The following PHEX variants were observed in gnomAD, a reference collection of about 807,000 sequenced individuals.
PHEX encodes the protein phosphate regulating endopeptidase X-linked.
PHEX carries 16 observed loss-of-function variants against 68.0 expected under a neutral mutation model. The observed-to-expected ratio is 0.24, with a 90% confidence interval of 0.16 to 0.36. PHEX has a LOEUF of 0.36. Among genes scored for constraint, PHEX ranks in the 10% least tolerant of loss-of-function variants. The probability of loss-of-function intolerance (pLI) is 1.00; values close to 1 mark genes in which losing one functional copy is unlikely to be tolerated. For synonymous variants in PHEX, 208 were observed against 205.1 expected (o/e 1.01, Z -0.12); for missense variants, 480 against 575.5 (o/e 0.83, Z 1.70).
chrX:22,075,780 A>G (rs1417357008), intron 3 of PHEX, among the ~76,000 whole-genome samples: 1 of 111,953 alleles, frequency 8.9e-6, no homozygotes, highest in Non-Finnish European at 1.9e-5. Context: ...ACTCTCTTAG[A>G]TGTTTAGGAC....
At chrX:22,184,479 T>G (rs1247140451) in intron 14 of PHEX, among the ~76,000 whole-genome samples, 1 of 111,818 alleles carries the variant, frequency 8.9e-6, no homozygotes, top group Non-Finnish European at 1.9e-5. Context: ...GTGTAGGAGA[T>G]AAAGACCCTT....
intron 12 of PHEX, among the ~76,000 whole-genome samples, chrX:22,136,737 A>C (rs1050158646): frequency 9.0e-6 from 1 of 111,677 alleles, no homozygotes; most frequent in Admixed American, 9.5e-5. Context: ...TCAAAATGGA[A>C]GTGTGTGGAT....
intron 3 of PHEX, among the ~76,000 whole-genome samples, chrX:22,050,946 T>G (rs978752010): frequency 1.8e-5 from 2 of 112,309 alleles, no homozygotes; most frequent in Non-Finnish European, 3.7e-5. Context: ...TTTCACACAT[T>G]TGTCTCTATA....
chrX:22,140,438 G>A (rs983436889), intron 12 of PHEX, among the ~76,000 whole-genome samples: 1 of 111,164 alleles, frequency 9.0e-6, no homozygotes, highest in African/African-American at 3.3e-5. Context: ...CCCTTCCAAC[G>A]TTTGAAGATG....
At chrX:22,068,579 TACTA>T (rs1302261916) in intron 3 of PHEX, among the ~76,000 whole-genome samples, 1 of 112,091 alleles carries the variant, frequency 8.9e-6, no homozygotes, top group Non-Finnish European at 1.9e-5. Context: ...CTCTAACCTT[TACTA>T]ACTGAGTCTC....
rs1930156437 is a variant in PHEX, at chrX:22,096,820, C to T, written c.850-135C>T. 2 of 506,139 alleles carry T rather than the reference C, an allele frequency of 4.0e-6. 1 individual carries two copies. Among genetic ancestry groups the T allele is most frequent in the South Asian group, 5.6e-5 (2 of 35,716 alleles). The allele number at this position is 506,139 out of a possible 1,213,427, so 41.7% of individuals were successfully genotyped here. A position where few individuals can be genotyped will look rare whatever the true frequency, so the allele number is the denominator to read the frequency against. ...CTAAAGTGATGTCTTTTTTTCTCTT[C>T]CCCGAGTTGGGGACCACACCAAAGC... On this transcript the variant is annotated intron_variant, in intron 7 of 21. Coordinates refer to ENST00000379374, the MANE Select transcript of PHEX (RefSeq NM_000444.6).
intron 20 of PHEX, among the ~76,000 whole-genome samples, chrX:22,232,071 G>C (rs112245215): frequency 0.017 from 1,958 of 111,987 alleles, 36 homozygotes; most frequent in African/African-American, 0.061. Context: ...CCATGTAGCT[G>C]TGTGGTTTTG....
At chrX:22,173,069 G>T (rs1483813635) in intron 13 of PHEX, 2 of 111,034 alleles carry the variant, frequency 1.8e-5, no homozygotes, top group Non-Finnish European at 3.8e-5. Flanking sequence ...GTGCCACTCT[G>T]CAAGAGTGAG....
intron 14 of PHEX, among the ~76,000 whole-genome samples, chrX:22,184,856 C>T (rs967301891): frequency 8.9e-6 from 1 of 111,875 alleles, no homozygotes; most frequent in Non-Finnish European, 1.9e-5. Context: ...TGTTCCTGCC[C>T]AGAACTTTTG....
chrX:22,069,002 G>A (rs1928759559), intron 3 of PHEX, among the ~76,000 whole-genome samples: 1 of 111,704 alleles, frequency 9.0e-6, no homozygotes, highest in Non-Finnish European at 1.9e-5. Context: ...GGGCGTGGTA[G>A]CACGTGCCTG....
intron 2 of PHEX, among the ~76,000 whole-genome samples, chrX:22,043,538 C>G (rs1434842658): frequency 6.2e-5 from 7 of 112,032 alleles, no homozygotes; most frequent in African/African-American, 1.9e-4. Flanking sequence ...CATGGTGTTT[C>G]TCTCATTCAA....
At chrX:22,107,473 C>T (rs1211357063) in intron 9 of PHEX, among the ~76,000 whole-genome samples, 2 of 112,010 alleles carry the variant, frequency 1.8e-5, no homozygotes, top group Non-Finnish European at 3.8e-5. Context: ...GGACCAAGAT[C>T]GGCCCATTAA....
At chrX:22,054,975 A>G (rs1456648965) in intron 3 of PHEX, among the ~76,000 whole-genome samples, 8 of 107,561 alleles carry the variant, frequency 7.4e-5, no homozygotes, top group African/African-American at 2.7e-4. Context: ...GGAGTTCAAG[A>G]CCAGCCTGGC....
chrX:22,228,604 A>G (rs1000962684), intron 20 of PHEX, among the ~76,000 whole-genome samples: 1 of 111,647 alleles, frequency 9.0e-6, no homozygotes, highest in African/African-American at 3.3e-5. Context: ...TCCTGTTTCT[A>G]TCATCACATC....
chrX:22,144,749 G>T (rs200771062), intron 12 of PHEX, among the ~76,000 whole-genome samples: 2 of 97,900 alleles, frequency 2.0e-5, no homozygotes, highest in African/African-American at 7.4e-5. Flanking sequence ...TCTTTTTTTT[G>T]AAAAAAAAAA....
chrX:22,237,735 G>T (rs1001566119), intron 20 of PHEX, among the ~76,000 whole-genome samples: 1 of 112,070 alleles, frequency 8.9e-6, no homozygotes, highest in African/African-American at 3.2e-5. Context: ...CTCCAGCCTA[G>T]CTGAATGTCT....
intron 5 of PHEX, among the ~76,000 whole-genome samples, chrX:22,079,847 A>G (rs768149971): frequency 2.6e-4 from 29 of 111,788 alleles, no homozygotes; most frequent in African/African-American, 9.4e-4. Context: ...AAAAATGCAG[A>G]AGAAATAATA....
intron 15 of PHEX, among the ~76,000 whole-genome samples, chrX:22,197,742 T>C (rs956685648): frequency 9.0e-5 from 10 of 111,356 alleles, no homozygotes; most frequent in African/African-American, 2.9e-4. Flanking sequence ...GTAACTAATA[T>C]AGCTATTAGA....
chrX:22,247,091 G>C (rs957814993), intron 21 of PHEX, among the ~76,000 whole-genome samples: 1 of 111,955 alleles, frequency 8.9e-6, no homozygotes, highest in Admixed American at 9.6e-5. Context: ...GTAAGAATGT[G>C]ACATATTGGA....
Sources: allele counts gnomAD v4.1 joint callset (sites outside exome capture counted in the v4.1 genomes callset), GRCh38; gene constraint gnomAD v4.1.1; transcripts MANE v1.5; gene names NCBI Gene and HGNC (gene_info 2026-07-23, HGNC 2026-07-21).